JPH3: variants seen among roughly 807,000 people sequenced by gnomAD.
JPH3 encodes junctophilin-3.
Under a neutral mutation model 59.6 loss-of-function variants are expected in JPH3, and 11 were observed. That is an observed-to-expected ratio of 0.18 (90% confidence interval 0.12 to 0.31). The LOEUF is 0.31. JPH3 is among the 10% of genes least tolerant of loss of function. The probability of loss-of-function intolerance (pLI) is 1.00; values close to 1 mark genes in which losing one functional copy is unlikely to be tolerated. For synonymous variants in JPH3, 673 were observed against 483.6 expected (o/e 1.39, Z -5.14); for missense variants, 1,202 against 1,105.7 (o/e 1.09, Z -1.24).
chr16:87,664,745 C>A (rs566069390), intron 2 of JPH3, among the ~76,000 whole-genome samples: 1 of 152,126 alleles, frequency 6.6e-6, no homozygotes, highest in Non-Finnish European at 1.5e-5. Context: ...ATCCTTGCTG[C>A]GGTGTGGGGG....
chr16:87,677,275 T>A (rs1159011074), intron 2 of JPH3, among the ~76,000 whole-genome samples: 1 of 145,358 alleles, frequency 6.9e-6, no homozygotes, highest in African/African-American at 2.6e-5. Flanking sequence ...CCCAGCCACG[T>A]GGGAGGCTGA....
intron 2 of JPH3, among the ~76,000 whole-genome samples, chr16:87,648,033 C>T (rs2032210512): frequency 6.6e-6 from 1 of 152,184 alleles, no homozygotes; most frequent in Admixed American, 6.5e-5. Context: ...GGGGCCGGGC[C>T]TGTGGTTGCA....
chr16:87,638,695 G>C (rs532451168), intron 1 of JPH3, among the ~76,000 whole-genome samples: 1 of 152,258 alleles, frequency 6.6e-6, no homozygotes, highest in East Asian at 1.9e-4. Flanking sequence ...GAATGAGCCA[G>C]TGTTGGCCTC....
intron 1 of JPH3, among the ~76,000 whole-genome samples, chr16:87,609,454 A>G (rs560584317): frequency 6.6e-6 from 1 of 152,184 alleles, no homozygotes; most frequent in East Asian, 1.9e-4. Flanking sequence ...TTTAGTAGAG[A>G]CAGTGTTTTG....
intron 2 of JPH3, among the ~76,000 whole-genome samples, chr16:87,653,157 C>T (rs911362876): frequency 7.2e-5 from 11 of 152,206 alleles, no homozygotes; most frequent in African/African-American, 2.7e-4. Flanking sequence ...GCTCAGGGAT[C>T]CTTGTTGATG....
At chr16:87,643,850 A>AGTG (rs1567595448) in intron 1 of JPH3, among the ~76,000 whole-genome samples, 42 of 152,124 alleles carry the variant, frequency 2.8e-4, no homozygotes, top group African/African-American at 9.4e-4. Flanking sequence ...TTTCATCAAG[A>AGTG]TAGCACACCA....
chr16:87,604,320 G>GCTA (rs1567578207), intron 1 of JPH3: 2 of 1,469,034 alleles, frequency 1.4e-6, no homozygotes, highest in Admixed American at 4.1e-5. Context: ...TGCTGCTGCT[G>GCTA]CTGCTGCTGT....
intron 2 of JPH3, among the ~76,000 whole-genome samples, chr16:87,648,779 C>G (rs568738345): frequency 6.6e-6 from 1 of 152,280 alleles, no homozygotes; most frequent in South Asian, 2.1e-4. Flanking sequence ...GCCCAGTGTT[C>G]GGAGCCTTCG....
chr16:87,657,568 CAT>C (rs904301060), intron 2 of JPH3, among the ~76,000 whole-genome samples: 2 of 152,160 alleles, frequency 1.3e-5, no homozygotes, highest in African/African-American at 4.8e-5. Context: ...TTAAAAAAAT[CAT>C]ATATAGAAAG....
rs1422748686 is a variant in JPH3, at chr16:87,689,935, C to A, written c.1575C>A (p.Asp525Glu). Residue 525 changes from aspartate (D) to glutamate (E), a missense_variant, in exon 4 of 5, where the codon GAC (aspartate) becomes GAA (glutamate). Asp to Glu is a conservative substitution (Grantham distance 45). Transcript: ENST00000284262. ...TGCTCCTGGAGGGCCGGGCCGGGGA[C>A]TGCGCCCGCAGCAGCTGGGGCGAGG... Reference protein sequence around the residue: ...IQMLLEGRAGDCARSSWGEEQ... With the variant: ...IQMLLEGRAGECARSSWGEEQ... 6.9e-7 allele frequency: 1 copy of A among 1,450,004 alleles called. No homozygotes were observed. Among genetic ancestry groups the A allele is most frequent in the East Asian group, 2.5e-5 (1 of 39,880 alleles). The allele number at this position is 1,450,004 out of a possible 1,614,324, so 89.8% of individuals were successfully genotyped here. A position where few individuals can be genotyped will look rare whatever the true frequency, so the allele number is the denominator to read the frequency against.
chr16:87,605,668 A>G (rs184308721), intron 1 of JPH3, among the ~76,000 whole-genome samples: 17 of 152,098 alleles, frequency 1.1e-4, no homozygotes, highest in African/African-American at 3.6e-4. Context: ...TGCTCCCCTA[A>G]GCCCTTCCCC....
At chr16:87,690,598 A>G in intron 4 of JPH3, 72 bp downstream of exon 4, 2 of 1,380,192 alleles carry the variant, frequency 1.4e-6, no homozygotes, top group Non-Finnish European at 1.9e-6. Context: ...GTGTTTCCTG[A>G]GGGTTTCCAG....
rs528480913 is a variant in JPH3, at chr16:87,620,580, T to TG, written c.382+17059dup. ...CAGAGGGGGAACGTCAGTCCTGCCATGGGGGGGACGTGCGTTGTTCCTCGC... is the reference window on the plus strand; with the variant it reads ...CAGAGGGGGAACGTCAGTCCTGCCATGGGGGGGGACGTGCGTTGTTCCTCGC... On this transcript the variant is annotated intron_variant, in intron 1 of 4. Transcript: ENST00000284262. 4.9e-3 allele frequency among the ~76,000 whole-genome samples: 693 copies of TG among 142,784 alleles called. 6 individuals are homozygous for TG. The highest frequency in any genetic ancestry group is 0.017 in the African/African-American group (661 of 38,328). 93.7% of individuals were successfully genotyped at this position (142,784 alleles called of 152,430 possible).
Position 87,603,146 on chromosome 16 carries a change from C to T in JPH3, c.-1C>T. 1 of 1,613,920 alleles carries T rather than the reference C, an allele frequency of 6.2e-7. No homozygotes were observed. Among genetic ancestry groups the T allele is most frequent in the Non-Finnish European group, 8.5e-7 (1 of 1,179,882 alleles). On this transcript the variant is annotated 5_prime_UTR_variant, in exon 1 of 5. Transcript: ENST00000284262. ...GCGGGATCTGGAACCGAGTTACATGCATGTCCAGTGGGGGCAGGTTTAATT... is the reference window on the plus strand; with the variant it reads ...GCGGGATCTGGAACCGAGTTACATGTATGTCCAGTGGGGGCAGGTTTAATT...
chr16:87,697,295 C>T lies in JPH3; in HGVS notation c.*635C>T, dbSNP rs984730659. Reference sequence around the variant, plus strand: ...GGTCCTTCCCTCTTCTCGGCACTGCCCCCGGCCTTCCATGAGAAGCCGACT... The same window carrying T: ...GGTCCTTCCCTCTTCTCGGCACTGCTCCCGGCCTTCCATGAGAAGCCGACT... On this transcript the variant is annotated 3_prime_UTR_variant, in exon 5 of 5. Coordinates refer to ENST00000284262, the MANE Select transcript of JPH3 (RefSeq NM_020655.4). 6.6e-6 allele frequency: 1 copy of T among 152,656 alleles called. No individual in the cohort carries two copies. Among genetic ancestry groups the T allele is most frequent in the African/African-American group, 2.4e-5 (1 of 41,442 alleles). 9.5% of individuals were successfully genotyped at this position (152,656 alleles called of 1,614,324 possible).
chr16:87,686,683 A>AGAG (rs2033427106), intron 3 of JPH3, among the ~76,000 whole-genome samples: 2 of 146,778 alleles, frequency 1.4e-5, no homozygotes, highest in African/African-American at 2.5e-5. Context: ...TCCTGGAGTC[A>AGAG]GAGATGCTTC....
chr16:87,614,628 G>A (rs972808445), intron 1 of JPH3, among the ~76,000 whole-genome samples: 1 of 150,836 alleles, frequency 6.6e-6, no homozygotes, highest in South Asian at 2.1e-4. Context: ...CTGCACACAA[G>A]GGGGTCTGCG....
At position 87,635,035 on chromosome 16, in the gene JPH3, C is replaced by G. The variant is rs2031689931; in HGVS notation, c.383-9223C>G. ...GCCATGGAAATGTTTCCCCTTTTCC[C>G]TCCACTGGACTCTGGGACAGTAGTG... On this transcript the variant is annotated intron_variant, in intron 1 of 4. Transcript: ENST00000284262. Among the ~76,000 whole-genome samples, 3 of 152,228 alleles carry G rather than the reference C, an allele frequency of 2.0e-5. No homozygotes were observed. In the South Asian group the frequency reaches 6.2e-4, roughly 32 times the overall value.
intron 1 of JPH3, among the ~76,000 whole-genome samples, chr16:87,605,398 T>C (rs187597704): frequency 2.0e-5 from 3 of 152,224 alleles, no homozygotes; most frequent in Non-Finnish European, 4.4e-5. Flanking sequence ...AAAACCACAC[T>C]GAGCAAAGCA....
Sources: allele counts gnomAD v4.1 joint callset (sites outside exome capture counted in the v4.1 genomes callset), GRCh38; gene constraint gnomAD v4.1.1; transcripts MANE v1.5; gene names NCBI Gene and HGNC (gene_info 2026-07-23, HGNC 2026-07-21).